The following MARCHF1 variants were observed in gnomAD, a reference collection of about 807,000 sequenced individuals.
MARCHF1 encodes E3 ubiquitin-protein ligase MARCHF1.
MARCHF1 carries 40 observed loss-of-function variants against 54.2 expected under a neutral mutation model. The observed-to-expected ratio is 0.74, with a 90% CI of 0.57 to 0.96. The LOEUF is 0.96. Among genes scored for constraint, MARCHF1 ranks in the 40% least tolerant of loss-of-function variants. MARCHF1 has a pLI of 0.00. For synonymous variants in MARCHF1, 236 were observed against 236.3 expected (o/e 1.00, Z 0.01); for missense variants, 586 against 656.5 (o/e 0.89, Z 1.17).
At position 164,105,734 on chromosome 4, in the gene MARCHF1, G is replaced by A. The variant is rs539695837; in HGVS notation, c.-248+5854C>T. Among the ~76,000 whole-genome samples the A allele has an allele frequency of 3.3e-5, 3 of 90,038 alleles. No individual in the cohort carries two copies. In the East Asian group the frequency reaches 6.6e-4, roughly 20 times the overall value. The allele number at this position is 90,038 out of a possible 152,430, so 59.1% of individuals were successfully genotyped here. On this transcript the variant is annotated intron_variant, in intron 2 of 9. Coordinates refer to ENST00000514618, the MANE Select transcript of MARCHF1 (RefSeq NM_001394959.1). ...GGACTTCATGTCTAAAACACCAAAA[G>A]CAATGGCAACAGAAGCCAAAATTGA...
At chr4:164,088,302 T>C (rs996347242) in intron 2 of MARCHF1, among the ~76,000 whole-genome samples, 2 of 152,214 alleles carry the variant, frequency 1.3e-5, no homozygotes, top group African/African-American at 4.8e-5. Flanking sequence ...AGTTTGATAA[T>C]TCTACAGTTA....
intron 1 of MARCHF1, among the ~76,000 whole-genome samples, chr4:164,246,149 C>T (rs1467636857): frequency 4.1e-5 from 3 of 72,630 alleles, no homozygotes; most frequent in Non-Finnish European, 6.2e-5. Context: ...CCAAGTCAAT[C>T]CTAAGCCAAA....
At chr4:164,372,741 T>C (rs1162699339) in intron 1 of MARCHF1, among the ~76,000 whole-genome samples, 1 of 152,132 alleles carries the variant, frequency 6.6e-6, no homozygotes, top group Non-Finnish European at 1.5e-5. Context: ...AAGTTTCCTT[T>C]ATATTACCAT....
chr4:163,660,123 A>G (rs1743293012), intron 5 of MARCHF1, among the ~76,000 whole-genome samples: 3 of 152,104 alleles, frequency 2.0e-5, no homozygotes, highest in Non-Finnish European at 4.4e-5. Context: ...CTGCAACACT[A>G]TTTACAATAG....
intron 4 of MARCHF1, among the ~76,000 whole-genome samples, chr4:163,730,057 C>T (rs1241358734): frequency 6.6e-6 from 1 of 151,834 alleles, no homozygotes; most frequent in Non-Finnish European, 1.5e-5. Flanking sequence ...CCAGTTATCC[C>T]TTAGTCTCTG....
chr4:163,673,535 T>C (rs1240109315), intron 5 of MARCHF1, among the ~76,000 whole-genome samples: 3 of 152,150 alleles, frequency 2.0e-5, no homozygotes, highest in Admixed American at 1.3e-4. Context: ...AAGAATCCTA[T>C]TAAATAAGAT....
intron 4 of MARCHF1, among the ~76,000 whole-genome samples, chr4:163,790,173 TTTC>T (rs1747736325): frequency 6.6e-6 from 1 of 152,136 alleles, no homozygotes; most frequent in African/African-American, 2.4e-5. Flanking sequence ...ATACTAATTA[TTTC>T]TTCACTGTGT....
intron 1 of MARCHF1, among the ~76,000 whole-genome samples, chr4:164,327,837 T>C (rs913468629): frequency 1.3e-5 from 2 of 152,230 alleles, no homozygotes; most frequent in Admixed American, 1.3e-4. Context: ...CCCCTGCAGC[T>C]GGAAAGCTGG....
intron 2 of MARCHF1, among the ~76,000 whole-genome samples, chr4:164,089,197 T>C (rs144064144): frequency 6.6e-6 from 1 of 152,106 alleles, no homozygotes; most frequent in Non-Finnish European, 1.5e-5. Context: ...TAACAAAATA[T>C]GACATTGAAT....
intron 7 of MARCHF1, 31 bp downstream of exon 7, chr4:163,612,240 T>G (rs1193606309): frequency 6.9e-7 from 1 of 1,448,126 alleles, no homozygotes; most frequent in African/African-American, 1.4e-5. Flanking sequence ...TATATATGGA[T>G]GACATCAAGC....
At chr4:164,316,165 T>A (rs1332278464) in intron 1 of MARCHF1, among the ~76,000 whole-genome samples, 1 of 152,168 alleles carries the variant, frequency 6.6e-6, no homozygotes, top group African/African-American at 2.4e-5. Flanking sequence ...CTCAAGGTTA[T>A]TCAGCTCATT....
At chr4:163,614,732 G>C (rs1741457472) in intron 5 of MARCHF1, among the ~76,000 whole-genome samples, 1 of 152,108 alleles carries the variant, frequency 6.6e-6, no homozygotes, top group Admixed American at 6.6e-5. Flanking sequence ...TATGGTAAAA[G>C]GGACTTTGCA....
At chr4:163,556,709 G>A (rs1406847121) in intron 8 of MARCHF1, among the ~76,000 whole-genome samples, 8 of 151,902 alleles carry the variant, frequency 5.3e-5, no homozygotes, top group African/African-American at 1.7e-4. Flanking sequence ...ATTGGTTCCA[G>A]TTTTGGATAT....
rs1026270237 is a variant in MARCHF1, at chr4:163,586,051, A to C, written c.1011-122T>G. The C allele has an allele frequency of 4.0e-6, 3 of 750,534 alleles. No homozygotes were observed. In the South Asian group the frequency reaches 7.7e-5, roughly 19 times the overall value. 46.5% of individuals were successfully genotyped at this position (750,534 alleles called of 1,614,324 possible). A position where few individuals can be genotyped will look rare whatever the true frequency, so the allele number is the denominator to read the frequency against. ...GCAACCTAAGATTTAGAACACATGG[A>C]CATTTTACTCCAACTTTGATGCTAG... On this transcript the variant is annotated intron_variant, in intron 7 of 9. Coordinates refer to ENST00000514618, the MANE Select transcript of MARCHF1 (RefSeq NM_001394959.1).
chr4:163,721,514 G>T (rs928299737), intron 4 of MARCHF1, among the ~76,000 whole-genome samples: 5 of 152,110 alleles, frequency 3.3e-5, no homozygotes, highest in Non-Finnish European at 5.9e-5. Context: ...TCTCTGCCAG[G>T]CTTTGGTATC....
At chr4:163,816,329 C>A (rs1454837088) in intron 4 of MARCHF1, among the ~76,000 whole-genome samples, 4 of 151,308 alleles carry the variant, frequency 2.6e-5, no homozygotes, top group African/African-American at 9.7e-5. Context: ...TAACATTGAT[C>A]TTCAAAAAAG....
At chr4:163,963,476 T>C (rs1441544652) in intron 3 of MARCHF1, among the ~76,000 whole-genome samples, 1 of 151,900 alleles carries the variant, frequency 6.6e-6, no homozygotes, top group South Asian at 2.1e-4. Flanking sequence ...TTATGGATCA[T>C]TGAAAGGTGA....
intron 4 of MARCHF1, among the ~76,000 whole-genome samples, chr4:163,764,548 T>C (rs1746921976): frequency 6.6e-6 from 1 of 151,962 alleles, no homozygotes; most frequent in Admixed American, 6.6e-5. Flanking sequence ...GTTAAGAAAA[T>C]TTGTCTTTGT....
At chr4:163,944,133 ATTTTTT>A (rs5863642) in intron 3 of MARCHF1, among the ~76,000 whole-genome samples, 3 of 110,102 alleles carry the variant, frequency 2.7e-5, no homozygotes, top group African/African-American at 1.0e-4. Context: ...CACCGGGCTA[ATTTTTT>A]TTTTTTTTTT....
Sources: gnomAD v4.1 joint callset for allele counts (sites outside exome capture counted in the v4.1 genomes callset) on GRCh38, gnomAD v4.1.1 for gene constraint, MANE v1.5 for transcripts, NCBI Gene and HGNC (gene_info 2026-07-23, HGNC 2026-07-21) for gene names.